BRF1: variants seen among roughly 807,000 people sequenced by gnomAD.
BRF1 encodes the protein transcription factor IIIB 90 kDa subunit.
Under a neutral mutation model 81.7 loss-of-function variants are expected in BRF1, and 59 were observed. The observed-to-expected ratio is 0.72, with a 90% CI of 0.59 to 0.90. The LOEUF (loss-of-function observed/expected upper bound fraction) is 0.90, where lower values mean the gene tolerates loss of function less well. BRF1 is among the 40% of genes least tolerant of loss of function. The pLI is 0.00. For missense variants in BRF1, 1,050 were observed against 936.3 expected, an observed-to-expected ratio of 1.12 and a Z score of -1.58; for synonymous variants, 491 against 395.6, an observed-to-expected ratio of 1.24 and a Z score of -2.86.
At chr14:105,314,297 TGGCGGGGTGGA>T (rs916031216) in intron 1 of BRF1, 6 of 132,658 alleles carry the variant, frequency 4.5e-5, no homozygotes, top group Non-Finnish European at 1.7e-5. Flanking sequence ...ACTCGGGGCA[TGGCGGGGTGGA>T]GGCGGGAAAG....
chr14:105,246,967 T>C (rs1419111248), intron 5 of BRF1: 1 of 985,288 alleles, frequency 1.0e-6, no homozygotes, highest in East Asian at 1.1e-4. Flanking sequence ...ATTCCCCAAA[T>C]GGACCCACCA....
chr14:105,219,259 G>C, intron 12 of BRF1, 27 bp from the exon 13 acceptor site: 3 of 1,607,482 alleles, frequency 1.9e-6, no homozygotes, highest in Non-Finnish European at 1.7e-6. Flanking sequence ...AAGTGGGGCT[G>C]GCTTTTAGCC....
At chr14:105,214,455 C>T (rs1890702684) in intron 15 of BRF1, among the ~76,000 whole-genome samples, 1 of 148,246 alleles carries the variant, frequency 6.7e-6, no homozygotes, top group Non-Finnish European at 1.5e-5. Context: ...CCCTGCGTGG[C>T]TCAGCTGCCC....
chr14:105,227,831 C>G (rs1253980017), intron 7 of BRF1: 1 of 152,268 alleles, frequency 6.6e-6, no homozygotes, highest in Non-Finnish European at 1.5e-5. Flanking sequence ...AAGTGAAATA[C>G]TTTACAGCTG....
intron 1 of BRF1, among the ~76,000 whole-genome samples, chr14:105,288,637 C>CTTTT (rs747428235): frequency 7.3e-6 from 1 of 137,026 alleles, no homozygotes; most frequent in Non-Finnish European, 1.6e-5. Context: ...TTCTTTCTTT[C>CTTTT]TTTTTTTTTT....
chr14:105,275,673 G>C (rs1191004295), intron 2 of BRF1, among the ~76,000 whole-genome samples: 1 of 152,250 alleles, frequency 6.6e-6, no homozygotes. Flanking sequence ...TCGATCCCAA[G>C]CCCCGACCCC....
intron 5 of BRF1, chr14:105,242,415 G>A (rs997376077): frequency 1.3e-5 from 2 of 151,940 alleles, no homozygotes; most frequent in Non-Finnish European, 2.9e-5. Context: ...TACAATCATC[G>A]CAGCTAGAAA....
In BRF1 at chr14:105,221,868, T is replaced by C. The variant is rs1420000596; in HGVS notation, c.1095A>G (p.Thr365=). The C allele has an allele frequency of 1.2e-6, 2 of 1,602,594 alleles. No homozygotes were observed. Among genetic ancestry groups the C allele is most frequent in the South Asian group, 2.2e-5 (2 of 89,422 alleles). The change falls in exon 11 of 18, where the codon ACA becomes ACG. Residue 365 remains threonine (T), a synonymous_variant. Coordinates refer to ENST00000547530, the MANE Select transcript of BRF1 (RefSeq NM_001519.4). The part of the protein sequence containing the change: ...TASSLCGEED[T]EDEELEAAAS... ...CCGCGGCTTCCAGCTCCTCGTCCTC[T>C]GTGTCCTCCTCGCCACACAAGCTGG...
In BRF1 at chr14:105,210,688, GGCTCCA is replaced by G; in HGVS notation, c.1997-106_1997-101del. 1 of 1,380,804 alleles carries G rather than the reference GGCTCCA, an allele frequency of 7.2e-7. No homozygotes were observed. The highest frequency in any genetic ancestry group is 1.2e-5 in the South Asian group (1 of 80,034). 85.5% of individuals were successfully genotyped at this position (1,380,804 alleles called of 1,614,324 possible). On this transcript the variant is annotated intron_variant, in intron 17 of 17. Coordinates refer to ENST00000547530, the MANE Select transcript of BRF1 (RefSeq NM_001519.4). This position sits in a 1 kb window ranked among gnomAD's most constrained non-coding sequence, Gnocchi z 4.7. Reference sequence around the variant, plus strand: ...TCCTGGTGCCCCCCTAGAAGACTCAGGCTCCAGCCCCAGCCCCAGCCCCCCGCGCCC... The same window carrying G: ...TCCTGGTGCCCCCCTAGAAGACTCAGGCCCCAGCCCCAGCCCCCCGCGCCC...
chr14:105,217,737 T>C lies in BRF1; in HGVS notation c.1579A>G (p.Lys527Glu). ...GAGATCTTCTTCTGCTCCAGCATCT[T>C]CTCGATGGCCTCCCTGGCGGTACTG... Reference protein sequence around the residue: ...QASTAREAIEKMLEQKKISSK... With the variant: ...QASTAREAIEEMLEQKKISSK... Residue 527 changes from lysine to glutamate, a missense_variant, in exon 15 of 18, where the codon AAG (lysine) becomes GAG (glutamate). Lys to Glu is a moderately conservative substitution (Grantham distance 56). Around this residue, in one of 2 missense-constraint regions of BRF1, gnomAD observed 1,043 missense variants for 915.4 expected, o/e 1.14. Transcript: ENST00000547530. The C allele has an allele frequency of 6.2e-7, 1 of 1,613,446 alleles. No homozygotes were observed. The highest frequency in any genetic ancestry group is 8.5e-7 in the Non-Finnish European group (1 of 1,180,014).
chr14:105,249,211 G>A (rs1472968185), intron 5 of BRF1: 18 of 1,587,872 alleles, frequency 1.1e-5, no homozygotes, highest in Non-Finnish European at 1.5e-5. Flanking sequence ...TCGTCGTGGG[G>A]CCCCCGGGGG....
intron 2 of BRF1, among the ~76,000 whole-genome samples, chr14:105,281,635 GC>G (rs1184912208): frequency 6.6e-6 from 1 of 152,178 alleles, no homozygotes. Flanking sequence ...GTGGAGGGGG[GC>G]ACTGACGGGG....
In BRF1 at chr14:105,215,230, C is replaced by T. The variant is rs115496675; in HGVS notation, c.1772+2314G>A. 9.3e-3 allele frequency among the ~76,000 whole-genome samples: 1,405 copies of T among 151,860 alleles called. 31 individuals carry two copies. The highest frequency in any genetic ancestry group is 0.032 in the African/African-American group (1,330 of 41,350). ...ACTTAAGACACACACACACGCCCCA[C>T]GCACACAGAGAAACACAGTGTATAC... is the stretch of plus-strand genomic sequence containing the variant. On this transcript the variant is annotated intron_variant, in intron 15 of 17. Transcript: ENST00000547530.
intron 5 of BRF1, among the ~76,000 whole-genome samples, chr14:105,246,654 A>C (rs1332885841): frequency 1.4e-5 from 2 of 147,620 alleles, no homozygotes; most frequent in African/African-American, 5.0e-5. Context: ...ATGGGGTTTC[A>C]CCATGTTGGC....
rs1393599725 is a variant in BRF1, at chr14:105,314,943, C to T, written c.-162+379G>A. On this transcript the variant is annotated intron_variant, in intron 1 of 17. Coordinates refer to the BRF1 transcript ENST00000327359. Reference sequence around the variant, plus strand: ...CATGGCCGAGCGAGGCCGCCTCGGCCTCCCCGGCGCGCCCGGCGCGCTCAA... The same window carrying T: ...CATGGCCGAGCGAGGCCGCCTCGGCTTCCCCGGCGCGCCCGGCGCGCTCAA... 1 of 1,160,626 alleles carries T rather than the reference C, an allele frequency of 8.6e-7. No homozygotes were observed. The highest frequency in any genetic ancestry group is 1.1e-6 in the Non-Finnish European group (1 of 925,192). The allele number at this position is 1,160,626 out of a possible 1,614,324, so 71.9% of individuals were successfully genotyped here.
chr14:105,253,290 A>C (rs1236220496), intron 4 of BRF1, among the ~76,000 whole-genome samples: 3 of 152,186 alleles, frequency 2.0e-5, no homozygotes, highest in Admixed American at 2.0e-4. Flanking sequence ...ACTTCAGAGC[A>C]ATGTCTGCTG....
At chr14:105,252,681 G>A (rs758103693) in intron 4 of BRF1, 102 bp from the exon 5 acceptor site, 22 of 1,263,648 alleles carry the variant, frequency 1.7e-5, no homozygotes, top group East Asian at 5.3e-5. Context: ...TAAAGACTCC[G>A]ATGGCCCGTG....
At chr14:105,222,878 T>C (rs958664039) in intron 10 of BRF1, among the ~76,000 whole-genome samples, 1 of 152,172 alleles carries the variant, frequency 6.6e-6, no homozygotes, top group African/African-American at 2.4e-5. Context: ...TCTGCCCACC[T>C]CAGCCTCCCA....
Position 105,209,511 on chromosome 14 carries a change from C to T in BRF1, c.*1040G>A, listed in dbSNP as rs1326589091. The T allele has an allele frequency of 2.8e-6, 2 of 702,332 alleles. No homozygotes were observed. Among genetic ancestry groups the T allele is most frequent in the Admixed American group, 2.0e-5 (1 of 50,004 alleles). 43.5% of individuals were successfully genotyped at this position (702,332 alleles called of 1,614,324 possible). On this transcript the variant is annotated 3_prime_UTR_variant, in exon 18 of 18. Transcript: ENST00000547530. ...CGGCTCTGCCTCAAGGCCACCCCCTCCTAAGGACACAGGGTGAAGCCCCCT... is the reference window on the plus strand; with the variant it reads ...CGGCTCTGCCTCAAGGCCACCCCCTTCTAAGGACACAGGGTGAAGCCCCCT...
Sources: gnomAD v4.1 joint callset for allele counts (sites outside exome capture counted in the v4.1 genomes callset) on GRCh38, gnomAD v4.1.1 for gene constraint, gnomAD v4.1.1 regional missense constraint, Gnocchi (gnomAD v3.1) non-coding constraint, MANE v1.5 for transcripts, NCBI Gene and HGNC (gene_info 2026-07-23, HGNC 2026-07-21) for gene names.